Variants in ATP2C2 observed in about 807,000 individuals in gnomAD.
ATP2C2 encodes the protein calcium-transporting ATPase type 2C member 2.
Under a neutral mutation model 110.8 loss-of-function variants are expected in ATP2C2, and 171 were observed. The observed-to-expected ratio is 1.54, with a 90% CI of 1.36 to 1.75. ATP2C2 has a LOEUF of 1.75. ATP2C2 is among the 40% of genes most tolerant of loss of function. The pLI is 0.00. For missense variants in ATP2C2, 1,963 were observed against 1,235.0 expected, an observed-to-expected ratio of 1.59 and a Z score of -8.84; for synonymous variants, 804 against 508.4, an observed-to-expected ratio of 1.58 and a Z score of -7.82.
chr16:84,382,504 T>C (rs1217406213), intron 1 of ATP2C2, among the ~76,000 whole-genome samples: 10 of 152,150 alleles, frequency 6.6e-5, no homozygotes. Flanking sequence ...GGGTCAGTCC[T>C]GGGGCAGGAT....
rs532248369 is a variant in ATP2C2, at chr16:84,448,738, T to G, written c.1660+49T>G. 941 of 1,571,184 alleles carry G rather than the reference T, an allele frequency of 6.0e-4. 16 individuals are homozygous for G. The South Asian group carries it at 0.01, about 17-fold the overall frequency. On this transcript the variant is annotated intron_variant, in intron 17 of 26. Transcript: ENST00000262429. Reference sequence around the variant, plus strand: ...AGAGCTTTAAGCTTGCATGTAACATTGACTTTTAAGTGCATTCAAGCAGGG... The same window carrying G: ...AGAGCTTTAAGCTTGCATGTAACATGGACTTTTAAGTGCATTCAAGCAGGG...
chr16:84,428,084 C>T (rs1907950131), intron 11 of ATP2C2, among the ~76,000 whole-genome samples: 1 of 152,188 alleles, frequency 6.6e-6, no homozygotes, highest in African/African-American at 2.4e-5. Flanking sequence ...ATGATCATTA[C>T]AGTGAATTAC....
intron 2 of ATP2C2, chr16:84,404,681 C>G: frequency 3.0e-6 from 1 of 333,364 alleles, no homozygotes; most frequent in Non-Finnish European, 5.8e-6. Flanking sequence ...CTCTTGGAGC[C>G]CCACTAGCAG....
intron 7 of ATP2C2, among the ~76,000 whole-genome samples, chr16:84,418,225 G>A (rs1907008367): frequency 6.6e-6 from 1 of 152,204 alleles, no homozygotes; most frequent in Non-Finnish European, 1.5e-5. Flanking sequence ...GAGATAGGAG[G>A]TGAGCCCGCG....
intron 11 of ATP2C2, among the ~76,000 whole-genome samples, chr16:84,427,127 G>A (rs947199349): frequency 2.0e-5 from 3 of 152,156 alleles, no homozygotes; most frequent in Non-Finnish European, 4.4e-5. Flanking sequence ...AGACAGTAAC[G>A]CACACGCAGC....
chr16:84,434,672 C>A (rs753804360), intron 11 of ATP2C2, among the ~76,000 whole-genome samples: 4 of 151,806 alleles, frequency 2.6e-5, no homozygotes, highest in Non-Finnish European at 4.4e-5. Context: ...GTGCTCGCTA[C>A]CACACCCGGC....
At chr16:84,434,398 G>A (rs903371545) in intron 11 of ATP2C2, among the ~76,000 whole-genome samples, 2 of 151,942 alleles carry the variant, frequency 1.3e-5, no homozygotes, top group Non-Finnish European at 2.9e-5. Context: ...CCTGGTGACA[G>A]AGCAAGACTC....
chr16:84,419,315 G>A (rs1054259379), intron 7 of ATP2C2, among the ~76,000 whole-genome samples: 5 of 144,606 alleles, frequency 3.5e-5, no homozygotes, highest in South Asian at 2.4e-4. Context: ...TCTAGAAGCC[G>A]CCTGCATTCC....
intron 11 of ATP2C2, among the ~76,000 whole-genome samples, chr16:84,432,621 A>C (rs1036919354): frequency 6.6e-6 from 1 of 152,010 alleles, no homozygotes; most frequent in Non-Finnish European, 1.5e-5. Context: ...CCTGGGTTCA[A>C]ACTATTCTCC....
In ATP2C2 at chr16:84,410,833, A is replaced by G. The variant is rs773448082; in HGVS notation, c.515+68A>G. On this transcript the variant is annotated intron_variant, in intron 6 of 26. Transcript: ENST00000262429. The stretch of plus-strand genomic sequence containing the variant: ...GCCAGGGAGCTGGAGAGTTTGGCAA[A>G]TGTTTGCTGAAAGTTGTATCCTTGG... 1.9e-5 allele frequency: 28 copies of G among 1,480,570 alleles called. 1 individual carries two copies. Among genetic ancestry groups the G allele is most frequent in the Non-Finnish European group, 2.5e-5 (27 of 1,061,990 alleles). The allele number at this position is 1,480,570 out of a possible 1,614,324, so 91.7% of individuals were successfully genotyped here.
chr16:84,403,956 G>A (rs1464792570), intron 2 of ATP2C2, among the ~76,000 whole-genome samples: 3 of 152,158 alleles, frequency 2.0e-5, no homozygotes, highest in South Asian at 2.1e-4. Flanking sequence ...CTCCCAAAGC[G>A]CTGGGATTAC....
intron 18 of ATP2C2, 69 bp downstream of exon 18, chr16:84,452,160 C>T (rs1910346101): frequency 6.3e-7 from 1 of 1,580,026 alleles, no homozygotes; most frequent in Non-Finnish European, 8.6e-7. Flanking sequence ...GGGCTGCTAC[C>T]AAAGGGAAGC....
chr16:84,382,971 T>C lies in ATP2C2; in HGVS notation c.99+14257T>C, dbSNP rs1195793687. The stretch of plus-strand genomic sequence containing the variant: ...AAGAGCTGCCCCTCTTCCTGGACCA[T>C]CCAGGCAAAAGCAGCCTCAGAAGAG... On this transcript the variant is annotated intron_variant, in intron 1 of 26. Transcript: ENST00000262429. Among the ~76,000 whole-genome samples the C allele has an allele frequency of 2.7e-5, 4 of 147,484 alleles. No homozygotes were observed. The South Asian group carries it at 8.8e-4, about 32-fold the overall frequency.
chr16:84,408,349 C>G, intron 3 of ATP2C2, 56 bp from the exon 4 acceptor site: 1 of 1,529,460 alleles, frequency 6.5e-7, no homozygotes, highest in Non-Finnish European at 9.1e-7. Context: ...CAGTAAGAAA[C>G]CCATTCTGGT....
chr16:84,443,949 T>C (rs1009200933), intron 15 of ATP2C2, among the ~76,000 whole-genome samples: 2 of 152,100 alleles, frequency 1.3e-5, no homozygotes, highest in African/African-American at 4.8e-5. Context: ...GGAGGATCAT[T>C]TGAGGCCAAG....
intron 16 of ATP2C2, 47 bp downstream of exon 16, chr16:84,446,477 C>A: frequency 7.2e-7 from 1 of 1,395,592 alleles, no homozygotes; most frequent in African/African-American, 1.5e-5. Flanking sequence ...TGCCCGGGCC[C>A]CCACCCAGAG....
chr16:84,452,902 C>G (rs545039301), intron 18 of ATP2C2, among the ~76,000 whole-genome samples: 1 of 152,106 alleles, frequency 6.6e-6, no homozygotes, highest in Non-Finnish European at 1.5e-5. Context: ...TCCTTACCAG[C>G]TGTGTGTCCT....
At position 84,455,035 on chromosome 16, in the gene ATP2C2, C is replaced by A; in HGVS notation, c.2147+51C>A. The A allele has an allele frequency of 3.2e-6, 5 of 1,571,732 alleles. No individual in the cohort carries two copies. In the South Asian group the frequency reaches 5.6e-5, roughly 18 times the overall value. On this transcript the variant is annotated intron_variant, in intron 21 of 26. Transcript: ENST00000262429. ...CAGTTGCAAAAATGCCTGGGGTCAC[C>A]AGCTTCTCCCTGGAACCTGCTACTG...
At chr16:84,414,842 A>C (rs1239704270) in intron 6 of ATP2C2, among the ~76,000 whole-genome samples, 1 of 152,060 alleles carries the variant, frequency 6.6e-6, no homozygotes, top group Non-Finnish European at 1.5e-5. Context: ...GTCATGGGAA[A>C]GCCATCGGAG....
Sources: allele counts gnomAD v4.1 joint callset (sites outside exome capture counted in the v4.1 genomes callset), GRCh38; gene constraint gnomAD v4.1.1; transcripts MANE v1.5; gene names NCBI Gene and HGNC (gene_info 2026-07-23, HGNC 2026-07-21).